Variants in ZNF596 observed in about 807,000 individuals in gnomAD.
The protein encoded by ZNF596 is zinc finger protein 596.
Under a neutral mutation model 48.3 loss-of-function variants are expected in ZNF596, and 45 were observed. The ratio of observed to expected loss-of-function variants is 0.93; its 90% CI spans 0.73 to 1.19. ZNF596 has a LOEUF of 1.19. Ranked by LOEUF, ZNF596 falls within the 50% of genes most tolerant of loss-of-function variation. ZNF596 has a pLI of 0.00. For missense variants in ZNF596, 848 were observed against 599.7 expected, an observed-to-expected ratio of 1.41 and a Z score of -4.32; for synonymous variants, 270 against 202.0, an observed-to-expected ratio of 1.34 and a Z score of -2.85.
At chr8:233,432 T>G (rs1290778747) in intron 1 of ZNF596, 1 of 282,378 alleles carries the variant, frequency 3.5e-6, no homozygotes, top group Non-Finnish European at 7.1e-6. Flanking sequence ...ACTTTTTGTT[T>G]ACTAAATGCT....
At position 240,875 on chromosome 8, in the gene ZNF596, T is replaced by A; in HGVS notation, c.-21T>A. The A allele has an allele frequency of 2.5e-6, 4 of 1,614,020 alleles. No individual in the cohort carries two copies. The highest frequency in any genetic ancestry group is 3.4e-6 in the Non-Finnish European group (4 of 1,179,952). ...GTGAGTGAAAACCCAGAGGAATACATTTGGTGGCTGAGCTAGTACAATGCC... is the reference window on the plus strand; with the variant it reads ...GTGAGTGAAAACCCAGAGGAATACAATTGGTGGCTGAGCTAGTACAATGCC... On this transcript the variant is annotated 5_prime_UTR_variant, in exon 2 of 6. Coordinates refer to ENST00000398612, the MANE Select transcript of ZNF596 (RefSeq NM_001042416.3).
chr8:234,047 G>A (rs1171578196), intron 1 of ZNF596, among the ~76,000 whole-genome samples: 1 of 152,146 alleles, frequency 6.6e-6, no homozygotes, highest in Non-Finnish European at 1.5e-5. Flanking sequence ...TATAAAGTAA[G>A]CACACAACAA....
rs1303392313 is a variant in ZNF596, at chr8:246,691, A to C, written c.*329A>C. The C allele has an allele frequency of 9.1e-6, 2 of 220,190 alleles. No individual in the cohort carries two copies. The highest frequency in any genetic ancestry group is 1.8e-5 in the Non-Finnish European group (2 of 111,910). The allele number at this position is 220,190 out of a possible 1,614,324, so 13.6% of individuals were successfully genotyped here. On this transcript the variant is annotated 3_prime_UTR_variant, in exon 6 of 6. Transcript: ENST00000398612. ...TCAGTGTGAAAATGCCTTTGCTGATAATTTATCCTCTAAACAAATGAGTAA... is the reference window on the plus strand; with the variant it reads ...TCAGTGTGAAAATGCCTTTGCTGATCATTTATCCTCTAAACAAATGAGTAA...
intron 2 of ZNF596, among the ~76,000 whole-genome samples, chr8:242,274 T>C (rs1279778908): frequency 6.6e-6 from 1 of 152,258 alleles, no homozygotes; most frequent in Non-Finnish European, 1.5e-5. Context: ...CATAAGAGGC[T>C]GCATCTGCTG....
chr8:235,660 C>G (rs1367926645), intron 1 of ZNF596, among the ~76,000 whole-genome samples: 1 of 151,992 alleles, frequency 6.6e-6, no homozygotes, highest in Admixed American at 6.6e-5. Context: ...ATTATATGTA[C>G]GCACACACAA....
rs73668544 is a variant in ZNF596 at position 233,168 on chromosome 8, A to C, written c.-73+474A>C. On this transcript the variant is annotated intron_variant, in intron 1 of 5. Coordinates refer to ENST00000398612, the MANE Select transcript of ZNF596 (RefSeq NM_001042416.3). ...TGAGGAATTTGAACAAACACCGACAATGAAGGAGAGTGACCTGAGCAAGTA... is the reference window on the plus strand; with the variant it reads ...TGAGGAATTTGAACAAACACCGACACTGAAGGAGAGTGACCTGAGCAAGTA... The C allele has an allele frequency of 1.3e-5, 6 of 452,834 alleles. 1 individual carries two copies. In the African/African-American group the frequency reaches 1.4e-4, roughly 10 times the overall value. 28.1% of individuals were successfully genotyped at this position (452,834 alleles called of 1,614,324 possible). A position where few individuals can be genotyped will look rare whatever the true frequency, so the allele number is the denominator to read the frequency against.
intron 2 of ZNF596, among the ~76,000 whole-genome samples, chr8:242,428 C>G (rs1796889486): frequency 6.6e-6 from 1 of 152,166 alleles, no homozygotes; most frequent in Non-Finnish European, 1.5e-5. Context: ...GAACTCATAA[C>G]AGGTCTTTAT....
chr8:239,059 A>G (rs1563064543), intron 1 of ZNF596, among the ~76,000 whole-genome samples: 1 of 152,208 alleles, frequency 6.6e-6, no homozygotes. Flanking sequence ...GATCAAGCAG[A>G]AGAAAGAACC....
chr8:245,986 G>A lies in ZNF596; in HGVS notation c.1139G>A (p.Arg380Gln), dbSNP rs759278467. 7.4e-6 allele frequency: 12 copies of A among 1,613,426 alleles called. No individual in the cohort carries two copies. The highest frequency in any genetic ancestry group is 1.7e-5 in the Admixed American group (1 of 59,972). Residue 380 changes from arginine (R) to glutamine (Q), a missense_variant, in exon 6 of 6, where the codon CGA becomes CAA. By Grantham distance (43) the Arg-to-Gln change is conservative. Transcript: ENST00000398612. ...KAFTESSVLK[R>Q]HERIHTGEKP... is the part of the protein sequence containing the mutation. ...TTCACTGAATCTTCTGTGCTTAAAC[G>A]ACATGAGAGAATTCACACTGGAGAG...
intron 4 of ZNF596, 66 bp from the exon 5 acceptor site, chr8:244,553 G>T: frequency 2.8e-6 from 3 of 1,071,344 alleles, no homozygotes; most frequent in South Asian, 1.3e-5. Context: ...AATGGGCTTT[G>T]GAGCTATTTA....
At chr8:243,275 C>G (rs994116970) in intron 3 of ZNF596, 1 of 330,832 alleles carries the variant, frequency 3.0e-6, no homozygotes, top group African/African-American at 2.1e-5. Flanking sequence ...ATCTCCCAAA[C>G]TCAGAAAAGT....
At position 246,753 on chromosome 8, in the gene ZNF596, G is replaced by A. The variant is rs1797106094; in HGVS notation, c.*391G>A. 1 of 168,990 alleles carries A rather than the reference G, an allele frequency of 5.9e-6. No individual in the cohort carries two copies. Among genetic ancestry groups the A allele is most frequent in the Non-Finnish European group, 1.3e-5 (1 of 78,782 alleles). 10.5% of individuals were successfully genotyped at this position (168,990 alleles called of 1,614,324 possible). On this transcript the variant is annotated 3_prime_UTR_variant, in exon 6 of 6. Transcript: ENST00000398612. ...AAGCAACCATATGTCTGTAATTGCT[G>A]TGCACTCTCATTCAGCTAAGCACCA...
At chr8:233,499 G>A (rs1418106381) in intron 1 of ZNF596, 2 of 223,178 alleles carry the variant, frequency 9.0e-6, no homozygotes, top group Non-Finnish European at 1.8e-5. Flanking sequence ...AGTTAGTTTA[G>A]TATTCAACAG....
chr8:241,006 G>A, intron 2 of ZNF596, 99 bp downstream of exon 2: 1 of 1,423,286 alleles, frequency 7.0e-7, no homozygotes, highest in Non-Finnish European at 9.9e-7. Context: ...GTGCACTCAA[G>A]GATCCAAGCT....
chr8:232,238 A>G, upstream of ZNF596: 1 of 162,032 alleles, frequency 6.2e-6, no homozygotes, highest in Middle Eastern at 3.2e-3. Context: ...TGGCAGGGCC[A>G]GAAACGCGCG....
intron 2 of ZNF596, among the ~76,000 whole-genome samples, chr8:241,725 C>T (rs1416181405): frequency 6.6e-6 from 1 of 152,056 alleles, no homozygotes; most frequent in Non-Finnish European, 1.5e-5. Flanking sequence ...AGAATAGTAC[C>T]TAGTGCATTA....
In ZNF596 at chr8:242,687, A is replaced by G. The variant is rs372903495; in HGVS notation, c.13-200A>G. Among the ~76,000 whole-genome samples, 14 of 152,166 alleles carry G rather than the reference A, an allele frequency of 9.2e-5. No individual in the cohort carries two copies. In the East Asian group the frequency reaches 1.9e-3, roughly 21 times the overall value. ...GCCACACCACATGTGATATTTCTCT[A>G]TGTGAAGTTTTATGTATGAGTAAAT... On this transcript the variant is annotated intron_variant, in intron 2 of 5. Transcript: ENST00000398612.
At chr8:238,847 A>G (rs1025461483) in intron 1 of ZNF596, among the ~76,000 whole-genome samples, 10 of 152,036 alleles carry the variant, frequency 6.6e-5, no homozygotes, top group Admixed American at 2.0e-4. Flanking sequence ...GATTTTCCTG[A>G]TAAGAATTAC....
rs1797068183 is a variant in ZNF596, at chr8:246,026, C to T, written c.1179C>T (p.Cys393=). 1 of 1,613,504 alleles carries T rather than the reference C, an allele frequency of 6.2e-7. No individual in the cohort carries two copies. The highest frequency in any genetic ancestry group is 1.7e-5 in the Admixed American group (1 of 59,966). The part of the protein sequence containing the change: ...RIHTGEKPYE[C]HVCGKAFTES... ...ACACTGGAGAGAAACCATATGAGTG[C>T]CATGTATGTGGGAAAGCCTTCACTG... Residue 393 remains cysteine, a synonymous_variant, in exon 6 of 6, where the codon TGC becomes TGT. Transcript: ENST00000398612.
Sources: gnomAD v4.1 joint callset for allele counts (sites outside exome capture counted in the v4.1 genomes callset) on GRCh38, gnomAD v4.1.1 for gene constraint, MANE v1.5 for transcripts, NCBI Gene and HGNC (gene_info 2026-07-23, HGNC 2026-07-21) for gene names.